The following RTL4 variants were observed in gnomAD, a reference collection of about 807,000 sequenced individuals.
RTL4 encodes retrotransposon Gag-like protein 4.
Under a neutral mutation model 5.3 loss-of-function variants are expected in RTL4, and 4 were observed. The observed-to-expected ratio is 0.75, with a 90% CI of 0.37 to 1.72. RTL4 has a LOEUF of 1.72. Ranked by LOEUF, RTL4 falls within the 40% of genes most tolerant of loss-of-function variation. The pLI is 0.04. For missense variants in RTL4, 260 were observed against 227.1 expected (o/e 1.14, Z -0.93); for synonymous variants, 98 against 87.3 (o/e 1.12, Z -0.68).
chrX:112,097,220 T>C, the RTL4 span, among the ~76,000 whole-genome samples: 1 of 111,527 alleles, frequency 9.0e-6, no homozygotes, highest in Non-Finnish European at 1.9e-5. Context: ...TACAGTCTAG[T>C]TAGTGTGAAG....
chrX:112,400,457 T>A, the RTL4 span, among the ~76,000 whole-genome samples: 10 of 111,946 alleles, frequency 8.9e-5, no homozygotes, highest in Admixed American at 8.5e-4. Flanking sequence ...TTCTTGAACA[T>A]ATGGAATACA....
the RTL4 span, among the ~76,000 whole-genome samples, chrX:112,315,771 C>T: frequency 8.9e-6 from 1 of 111,855 alleles, no homozygotes; most frequent in African/African-American, 3.2e-5. Flanking sequence ...ATACATCTAA[C>T]CTGATGCTAC....
chrX:112,304,161 C>CT, the RTL4 span, among the ~76,000 whole-genome samples: 4,962 of 110,785 alleles, frequency 0.045, 289 homozygotes, highest in African/African-American at 0.16. Context: ...CCAGTCATGT[C>CT]TTTTTGTGGC....
the RTL4 span, among the ~76,000 whole-genome samples, chrX:112,264,369 A>G: frequency 1.8e-5 from 2 of 111,323 alleles, no homozygotes; most frequent in African/African-American, 6.5e-5. Flanking sequence ...ACAGCTCCAC[A>G]CACACTGTAG....
chrX:112,294,986 A>C, the RTL4 span, among the ~76,000 whole-genome samples: 1 of 112,322 alleles, frequency 8.9e-6, no homozygotes. Context: ...CAATAATCAA[A>C]TATTGCTACA....
the RTL4 span, among the ~76,000 whole-genome samples, chrX:112,341,220 C>T: frequency 3.1e-4 from 34 of 109,406 alleles, no homozygotes; most frequent in Non-Finnish European, 5.1e-4. Context: ...ACAAAGTTAG[C>T]GGTAGGAAGG....
chrX:112,271,252 G>T, the RTL4 span, among the ~76,000 whole-genome samples: 2 of 112,928 alleles, frequency 1.8e-5, no homozygotes, highest in South Asian at 7.2e-4. Context: ...TGTGAGATTA[G>T]CAATGACTGA....
the RTL4 span, among the ~76,000 whole-genome samples, chrX:112,401,776 C>T: frequency 8.9e-6 from 1 of 112,102 alleles, no homozygotes; most frequent in African/African-American, 3.2e-5. Context: ...TTTCTTCCCA[C>T]TCTGTTGGAT....
At chrX:112,241,941 C>A in the RTL4 span, among the ~76,000 whole-genome samples, 14 of 110,795 alleles carry the variant, frequency 1.3e-4, no homozygotes, top group African/African-American at 4.3e-4. Context: ...AGCACCATTT[C>A]TTAAATAGGG....
At chrX:112,320,152 G>A in the RTL4 span, 1 of 111,669 alleles carries the variant, frequency 9.0e-6, no homozygotes, top group South Asian at 3.8e-4. Context: ...ATCATTAGGA[G>A]ATCCGGGTCG....
At chrX:112,310,627 A>C in the RTL4 span, among the ~76,000 whole-genome samples, 1 of 58,248 alleles carries the variant, frequency 1.7e-5, no homozygotes, top group Admixed American at 3.3e-4. Context: ...TATATATATT[A>C]TGTTTATATA....
the RTL4 span, among the ~76,000 whole-genome samples, chrX:112,256,607 A>G: frequency 1.8e-5 from 2 of 111,884 alleles, no homozygotes; most frequent in African/African-American, 6.5e-5. Flanking sequence ...GGAAGAAATT[A>G]TAATCTTTTT....
upstream of RTL4, among the ~76,000 whole-genome samples, chrX:112,452,736 A>C (rs774079629): frequency 8.9e-6 from 1 of 111,897 alleles, no homozygotes; most frequent in Admixed American, 9.5e-5. Flanking sequence ...TGAGGTAAGT[A>C]AAATAGTAAT....
At chrX:112,277,437 G>T in the RTL4 span, among the ~76,000 whole-genome samples, 1,961 of 111,823 alleles carry the variant, frequency 0.018, 37 homozygotes, top group African/African-American at 0.059. Flanking sequence ...AGGATAGAGA[G>T]AACTGGAGGG....
the RTL4 span, among the ~76,000 whole-genome samples, chrX:112,251,443 A>G: frequency 8.9e-6 from 1 of 111,755 alleles, no homozygotes; most frequent in Admixed American, 9.5e-5. Flanking sequence ...CCCTGTTTAT[A>G]TCCTGCAAAA....
the RTL4 span, among the ~76,000 whole-genome samples, chrX:112,314,053 A>G: frequency 9.0e-6 from 1 of 111,667 alleles, no homozygotes; most frequent in African/African-American, 3.3e-5. Flanking sequence ...TGAGAAAGTT[A>G]TGCTCATCAT....
the RTL4 span, among the ~76,000 whole-genome samples, chrX:112,162,907 A>T: frequency 8.9e-6 from 1 of 111,813 alleles, no homozygotes; most frequent in African/African-American, 3.3e-5. Context: ...GAGAAAGGAG[A>T]TGAATTTATT....
the RTL4 span, among the ~76,000 whole-genome samples, chrX:112,109,239 G>A: frequency 1.4e-4 from 16 of 111,901 alleles, no homozygotes; most frequent in East Asian, 3.4e-3. Flanking sequence ...TATTGTGTCC[G>A]TAGTTGGTTC....
chrX:112,326,585 G>C, the RTL4 span, among the ~76,000 whole-genome samples: 1 of 111,731 alleles, frequency 9.0e-6, no homozygotes, highest in African/African-American at 3.2e-5. Flanking sequence ...GGGGAGGGGC[G>C]CCCACCATTG....
Sources: gnomAD v4.1 joint callset for allele counts (sites outside exome capture counted in the v4.1 genomes callset) on GRCh38, gnomAD v4.1.1 for gene constraint, MANE v1.5 for transcripts, NCBI Gene and HGNC (gene_info 2026-07-23, HGNC 2026-07-21) for gene names.